Variants in NTN4 observed in about 807,000 individuals in gnomAD.
The protein encoded by NTN4 is netrin 4.
NTN4 carries 32 observed loss-of-function variants against 73.6 expected under a neutral mutation model. The observed-to-expected ratio is 0.44, with a 90% CI of 0.33 to 0.58. The LOEUF is 0.58. NTN4 is among the 20% of genes least tolerant of loss of function. NTN4 has a pLI of 0.04. For synonymous variants in NTN4, 258 were observed against 287.5 expected, an observed-to-expected ratio of 0.90 and a Z score of 1.04; for missense variants, 654 against 798.3, an observed-to-expected ratio of 0.82 and a Z score of 2.18.
intron 9 of NTN4, among the ~76,000 whole-genome samples, chr12:95,660,162 C>T (rs1472656519): frequency 6.6e-6 from 1 of 152,042 alleles, no homozygotes; most frequent in Non-Finnish European, 1.5e-5. Context: ...TGCAGGCATG[C>T]ACCACCATGC....
At chr12:95,691,101 T>TC (rs1223855019) in intron 5 of NTN4, among the ~76,000 whole-genome samples, 2 of 152,270 alleles carry the variant, frequency 1.3e-5, no homozygotes, top group Non-Finnish European at 2.9e-5. Flanking sequence ...GCATACTTTT[T>TC]CAAGACTCAC....
intron 5 of NTN4, among the ~76,000 whole-genome samples, chr12:95,701,787 G>T (rs1446577484): frequency 6.6e-6 from 1 of 152,168 alleles, no homozygotes; most frequent in Non-Finnish European, 1.5e-5. Context: ...GAACCAGTAA[G>T]TCCTTGGCTT....
At chr12:95,764,661 T>TC (rs909736943) in intron 2 of NTN4, among the ~76,000 whole-genome samples, 5 of 106,638 alleles carry the variant, frequency 4.7e-5, no homozygotes, top group Non-Finnish European at 7.4e-5. Context: ...CGAGACTCCA[T>TC]CCCCCCGCCC....
chr12:95,750,850 C>G (rs917147296), intron 2 of NTN4, among the ~76,000 whole-genome samples: 4 of 152,220 alleles, frequency 2.6e-5, no homozygotes, highest in Admixed American at 6.5e-5. Flanking sequence ...CACCTCCCCT[C>G]CTCACACCTG....
intron 3 of NTN4, among the ~76,000 whole-genome samples, chr12:95,717,092 G>A (rs184363156): frequency 6.6e-6 from 1 of 152,284 alleles, no homozygotes; most frequent in Admixed American, 6.5e-5. Context: ...TCACAGGCAT[G>A]AGCCCCTATG....
chr12:95,700,279 A>G (rs886226826), intron 5 of NTN4, among the ~76,000 whole-genome samples: 1 of 151,136 alleles, frequency 6.6e-6, no homozygotes, highest in Non-Finnish European at 1.5e-5. Flanking sequence ...ATTTTTTTTT[A>G]AAGAGAGCTT....
chr12:95,790,027 C>G lies in NTN4; in HGVS notation c.55+228G>C, dbSNP rs960731945. On this transcript the variant is annotated intron_variant, in intron 1 of 9. Transcript: ENST00000343702. The surrounding 1 kb of genome is among the most constrained non-coding windows in gnomAD (Gnocchi z 6.5). ...CGCAGTATCCCCGGCAGGGCGCACC[C>G]AGGATAGCTGGTTATCCAAGCGCAT... is the stretch of plus-strand genomic sequence containing the variant. The G allele has an allele frequency of 2.5e-5, 11 of 436,422 alleles. No individual in the cohort carries two copies. In the South Asian group the frequency reaches 6.6e-4, roughly 26 times the overall value. 27.0% of individuals were successfully genotyped at this position (436,422 alleles called of 1,614,324 possible). A position where few individuals can be genotyped will look rare whatever the true frequency, so the allele number is the denominator to read the frequency against.
chr12:95,751,421 C>T (rs1451962586), intron 2 of NTN4, among the ~76,000 whole-genome samples: 1 of 152,226 alleles, frequency 6.6e-6, no homozygotes, highest in East Asian at 1.9e-4. Flanking sequence ...AGGCGTTCCT[C>T]CAGAACCTCC....
intron 7 of NTN4, among the ~76,000 whole-genome samples, chr12:95,678,088 A>G (rs550180362): frequency 2.3e-4 from 35 of 152,316 alleles, no homozygotes; most frequent in Non-Finnish European, 4.1e-4. Context: ...ACACAGGAAC[A>G]GAAAACCAAA....
chr12:95,737,904 C>A lies in NTN4; in HGVS notation c.826G>T (p.Gly276Cys). Reference sequence around the variant, plus strand: ...CCTGGGGCCTTGACAGGTCTGAAGCCATGAACAGGTATGCATTGATCAGCG... The same window carrying A: ...CCTGGGGCCTTGACAGGTCTGAAGCAATGAACAGGTATGCATTGATCAGCG... ...GHADQCIPVHGFRPVKAPGTF... is the reference protein window; with the variant it reads ...GHADQCIPVHCFRPVKAPGTF... Residue 276 changes from glycine to cysteine, a missense_variant, in exon 3 of 10, where the codon GGC becomes TGC. Transcript: ENST00000343702. 3 of 1,614,032 alleles carry A rather than the reference C, an allele frequency of 1.9e-6. No homozygotes were observed. The highest frequency in any genetic ancestry group is 2.5e-6 in the Non-Finnish European group (3 of 1,179,932).
At chr12:95,732,874 A>G (rs2078748981) in intron 3 of NTN4, among the ~76,000 whole-genome samples, 1 of 152,222 alleles carries the variant, frequency 6.6e-6, no homozygotes. Context: ...TTCCTTGGGA[A>G]ACACTTTCAT....
At chr12:95,715,959 G>A (rs1163350372) in intron 3 of NTN4, among the ~76,000 whole-genome samples, 2 of 151,954 alleles carry the variant, frequency 1.3e-5, no homozygotes, top group Admixed American at 6.6e-5. Context: ...TGACTGTGTA[G>A]GAAAAATCTT....
chr12:95,732,224 C>G (rs1044443771), intron 3 of NTN4, among the ~76,000 whole-genome samples: 1 of 141,998 alleles, frequency 7.0e-6, no homozygotes, highest in East Asian at 2.0e-4. Flanking sequence ...CTCCCTTTCT[C>G]TCTTTCTTTC....
At chr12:95,679,903 T>A (rs552026044) in intron 7 of NTN4, among the ~76,000 whole-genome samples, 58 of 152,274 alleles carry the variant, frequency 3.8e-4, no homozygotes, top group Non-Finnish European at 6.9e-4. Flanking sequence ...TGCTGTTTCC[T>A]GAATTCCTCC....
intron 5 of NTN4, among the ~76,000 whole-genome samples, chr12:95,709,485 A>G (rs2078546109): frequency 6.6e-6 from 1 of 152,124 alleles, no homozygotes; most frequent in Non-Finnish European, 1.5e-5. Context: ...CTTTTTTCAA[A>G]TAAACCTCTT....
intron 3 of NTN4, among the ~76,000 whole-genome samples, chr12:95,719,507 T>C (rs1226131222): frequency 6.6e-6 from 1 of 152,142 alleles, no homozygotes; most frequent in East Asian, 1.9e-4. Context: ...AAAGAGATAG[T>C]ATGCCCCTTT....
chr12:95,722,482 C>T (rs568449471), intron 3 of NTN4, among the ~76,000 whole-genome samples: 157 of 151,960 alleles, frequency 1.0e-3, no homozygotes, highest in Non-Finnish European at 1.3e-3. Context: ...AAAAATTACC[C>T]GGGTGTGCTG....
intron 2 of NTN4, among the ~76,000 whole-genome samples, chr12:95,786,615 T>TC (rs2079169099): frequency 6.6e-6 from 1 of 152,082 alleles, no homozygotes; most frequent in African/African-American, 2.4e-5. Flanking sequence ...CAGTAACTCT[T>TC]CCCCCTTCAG....
In NTN4 at chr12:95,711,679, T is replaced by G. The variant is rs1247599644; in HGVS notation, c.992-1050A>C. Among the ~76,000 whole-genome samples, 3 of 152,220 alleles carry G rather than the reference T, an allele frequency of 2.0e-5. No individual in the cohort carries two copies. In the East Asian group the frequency reaches 5.8e-4, roughly 29 times the overall value. On this transcript the variant is annotated intron_variant, in intron 4 of 9. Transcript: ENST00000343702. ...TACAGAAGAGGCCTGCAGTATTTAT[T>G]ATATAACAATTCTTCAAAGGCATTT...
Sources: allele counts gnomAD v4.1 joint callset (sites outside exome capture counted in the v4.1 genomes callset), GRCh38; gene constraint gnomAD v4.1.1; non-coding constraint Gnocchi (gnomAD v3.1); transcripts MANE v1.5; gene names NCBI Gene and HGNC (gene_info 2026-07-23, HGNC 2026-07-21).